The following QSER1 variants were observed in gnomAD, a reference collection of about 807,000 sequenced individuals.
QSER1 encodes glutamine and serine-rich protein 1.
In QSER1, 49 loss-of-function variants were observed where a neutral mutation model predicts 158.5. The observed-to-expected ratio is 0.31, with a 90% CI of 0.25 to 0.39. QSER1 has a LOEUF of 0.39. Ranked by LOEUF, QSER1 falls within the 10% of genes least tolerant of loss-of-function variation. The pLI, the probability that QSER1 is intolerant of heterozygous loss-of-function variation, is 1.00. For missense variants in QSER1, 1,754 were observed against 2,010.3 expected, an observed-to-expected ratio of 0.87 and a Z score of 2.44; for synonymous variants, 650 against 715.5, an observed-to-expected ratio of 0.91 and a Z score of 1.46.
chr11:32,946,164 T>C (rs1296929992), intron 4 of QSER1, among the ~76,000 whole-genome samples: 3 of 151,478 alleles, frequency 2.0e-5, no homozygotes, highest in Non-Finnish European at 4.4e-5. Context: ...GTTTTCAACT[T>C]CTTTGCCTTT....
chr11:32,957,819 A>G lies in QSER1; in HGVS notation c.4752-50A>G, dbSNP rs1391769415. On this transcript the variant is annotated intron_variant, in intron 7 of 12. Coordinates refer to ENST00000650167, the MANE Select transcript of QSER1 (RefSeq NM_001076786.3). The stretch of plus-strand genomic sequence containing the variant: ...CTCTTTTATTTTTCTATTTTATTTT[A>G]GTTTAACAAGATTTCAGTGTGTTAA... The G allele has an allele frequency of 3.6e-6, 5 of 1,386,820 alleles. No individual in the cohort carries two copies. In the Admixed American group the frequency reaches 1.0e-4, roughly 28 times the overall value. The allele number at this position is 1,386,820 out of a possible 1,614,324, so 85.9% of individuals were successfully genotyped here. A position where few individuals can be genotyped will look rare whatever the true frequency, so the allele number is the denominator to read the frequency against.
At position 32,893,016 on chromosome 11, in the gene QSER1, ACCGCCGCCGCCCCCTCTTCCTCCC is replaced by A. The variant is rs1212021634; in HGVS notation, c.-104_-81del. 7.4e-6 allele frequency among the ~76,000 whole-genome samples: 1 copy of A among 135,872 alleles called. No homozygotes were observed. The highest frequency in any genetic ancestry group is 2.2e-4 in the East Asian group (1 of 4,546). 89.1% of individuals were successfully genotyped at this position (135,872 alleles called of 152,430 possible). ...GCCATGTGAGGGGGCAGCTCCCTCC[ACCGCCGCCGCCCCCTCTTCCTCCC>A]CCGCCCCCTCTCCCTGCCCGCCCCC... On this transcript the variant is annotated 5_prime_UTR_variant, in exon 1 of 13. Transcript: ENST00000650167. This position sits in a 1 kb window ranked among gnomAD's most constrained non-coding sequence, Gnocchi z 4.7.
chr11:32,963,797 G>C (rs1852673984), intron 8 of QSER1, among the ~76,000 whole-genome samples: 1 of 152,160 alleles, frequency 6.6e-6, no homozygotes, highest in Admixed American at 6.5e-5. Context: ...CAAGTAGCTA[G>C]GACTGACTAC....
At chr11:32,957,139 T>TC (rs1852530428) in intron 7 of QSER1, among the ~76,000 whole-genome samples, 1 of 149,576 alleles carries the variant, frequency 6.7e-6, no homozygotes, top group Admixed American at 6.6e-5. Context: ...TTTTTCTTTT[T>TC]TTTTTTTTTT....
At chr11:32,948,323 C>T (rs1852369194) in intron 4 of QSER1, among the ~76,000 whole-genome samples, 1 of 152,204 alleles carries the variant, frequency 6.6e-6, no homozygotes, top group Admixed American at 6.5e-5. Context: ...AAATTAAACT[C>T]ACTCTTAACC....
At position 32,976,442 on chromosome 11, in the gene QSER1, C is replaced by A; in HGVS notation, c.5563C>A (p.Leu1855Ile). ...VEDLFEKFGE[L>I]LNHVQQKCS ...GGACCTCTTTGAAAAATTTGGAGAA[C>A]TTCTAAATCATGTACAGCAGAAATG... The change falls in exon 13 of 13, where the codon CTT (leucine) becomes ATT (isoleucine). Residue 1855 changes from leucine to isoleucine, a missense_variant. By Grantham distance (5) the Leu-to-Ile change is conservative. Transcript: ENST00000650167. 6.2e-7 allele frequency: 1 copy of A among 1,607,054 alleles called. No homozygotes were observed. Among genetic ancestry groups the A allele is most frequent in the Non-Finnish European group, 8.5e-7 (1 of 1,177,716 alleles).
At chr11:32,912,262 C>T (rs188351105) in intron 1 of QSER1, among the ~76,000 whole-genome samples, 5 of 152,312 alleles carry the variant, frequency 3.3e-5, no homozygotes, top group South Asian at 2.1e-4. Context: ...GTTTGTTCAG[C>T]CTTATGGGTG....
Position 32,908,589 on chromosome 11 carries a change from G to A in QSER1, c.209+15255G>A, listed in dbSNP as rs76810466. Among the ~76,000 whole-genome samples, 59 of 152,154 alleles carry A rather than the reference G, an allele frequency of 3.9e-4. No individual in the cohort carries two copies. In the East Asian group the frequency reaches 0.01, roughly 27 times the overall value. On this transcript the variant is annotated intron_variant, in intron 1 of 12. Transcript: ENST00000650167. ...TCATTTGTACAAAATAGGATTTTTG[G>A]TAAAGATCATTAATGATGTATATGG... is the stretch of plus-strand genomic sequence containing the variant.
At chr11:32,943,483 T>G (rs889551545) in intron 4 of QSER1, among the ~76,000 whole-genome samples, 2 of 151,778 alleles carry the variant, frequency 1.3e-5, no homozygotes, top group Non-Finnish European at 2.9e-5. Context: ...CTGCATCTAT[T>G]GAGATAATCA....
At chr11:32,963,990 T>A (rs1852677466) in intron 8 of QSER1, among the ~76,000 whole-genome samples, 1 of 152,110 alleles carries the variant, frequency 6.6e-6, no homozygotes, top group Non-Finnish European at 1.5e-5. Flanking sequence ...GGTTGTTAAT[T>A]AAGAGATGGG....
At chr11:32,939,734 G>A (rs907760769) in intron 4 of QSER1, among the ~76,000 whole-genome samples, 1 of 152,106 alleles carries the variant, frequency 6.6e-6, no homozygotes, top group African/African-American at 2.4e-5. Flanking sequence ...TGGGTGGGTT[G>A]TAGACTATGT....
intron 1 of QSER1, among the ~76,000 whole-genome samples, chr11:32,902,579 C>T (rs1336690519): frequency 1.3e-5 from 2 of 152,184 alleles, no homozygotes; most frequent in Non-Finnish European, 2.9e-5. Flanking sequence ...TTTGTTCCAA[C>T]GCTTCTGTTT....
chr11:32,973,436 C>T lies in QSER1; in HGVS notation c.5245C>T (p.Arg1749Ter). The change falls in exon 11 of 13, where the codon CGA becomes TGA. Residue 1749 changes from arginine to a stop codon, truncating the protein, a stop_gained. Transcript: ENST00000650167. LOFTEE classifies it high-confidence loss of function. ...ESFPELTIIT[R>*]DSKAKSGGTA... ...TTTTCCTGAACTAACAATAATTACT[C>T]GAGATTCTAAAGCAAAGAGTGGAGG... is the stretch of plus-strand genomic sequence containing the variant. 1.2e-6 allele frequency: 2 copies of T among 1,613,632 alleles called. No homozygotes were observed. Among genetic ancestry groups the T allele is most frequent in the Non-Finnish European group, 1.7e-6 (2 of 1,179,802 alleles).
In QSER1 at chr11:32,953,936, A is replaced by C; in HGVS notation, c.4257A>C (p.Ala1419=). 1 of 1,614,220 alleles carries C rather than the reference A, an allele frequency of 6.2e-7. No individual in the cohort carries two copies. Among genetic ancestry groups the C allele is most frequent in the Non-Finnish European group, 8.5e-7 (1 of 1,180,024 alleles). The part of the protein sequence containing the change: ...TATTSSTTVG[A]VKQEPLHSTS... The stretch of plus-strand genomic sequence containing the variant: ...CTACTTCCTCAACCACTGTGGGTGC[A>C]GTTAAGCAAGAACCTCTCCACTCTA... Residue 1419 remains alanine, a synonymous_variant, in exon 5 of 13, where the codon GCA becomes GCC. Transcript: ENST00000650167.
chr11:32,951,521 C>T (rs1252420203), intron 4 of QSER1, among the ~76,000 whole-genome samples: 3 of 152,154 alleles, frequency 2.0e-5, no homozygotes, highest in African/African-American at 7.2e-5. Context: ...GTTTGGGGAA[C>T]ACTGCCATCT....
intron 1 of QSER1, among the ~76,000 whole-genome samples, chr11:32,898,968 A>G (rs1311877758): frequency 6.6e-6 from 1 of 152,184 alleles, no homozygotes; most frequent in Non-Finnish European, 1.5e-5. Context: ...CACCTCCCAG[A>G]CTGACTTGTT....
At chr11:32,971,330 G>A (rs1015305487) in intron 10 of QSER1, among the ~76,000 whole-genome samples, 5 of 152,180 alleles carry the variant, frequency 3.3e-5, no homozygotes, top group African/African-American at 7.2e-5. Context: ...GAAATAATTA[G>A]TGTGCTTTCC....
chr11:32,907,632 G>C (rs563317678), intron 1 of QSER1, among the ~76,000 whole-genome samples: 1 of 152,308 alleles, frequency 6.6e-6, no homozygotes, highest in Non-Finnish European at 1.5e-5. Context: ...GAAGTAACCA[G>C]CTATATGTTA....
chr11:32,923,210 A>G (rs1851920228), intron 1 of QSER1, among the ~76,000 whole-genome samples: 1 of 152,222 alleles, frequency 6.6e-6, no homozygotes, highest in Non-Finnish European at 1.5e-5. Context: ...TACATATTAA[A>G]TGATTCCATC....
Sources: allele counts gnomAD v4.1 joint callset (sites outside exome capture counted in the v4.1 genomes callset), GRCh38; gene constraint gnomAD v4.1.1; non-coding constraint Gnocchi (gnomAD v3.1); transcripts MANE v1.5; gene names NCBI Gene and HGNC (gene_info 2026-07-23, HGNC 2026-07-21).